The following UPF2 variants were observed in gnomAD, a reference collection of about 807,000 sequenced individuals.
UPF2 encodes the protein UPF2 regulator of nonsense mediated mRNA decay.
In UPF2, 17 loss-of-function variants were observed where a neutral mutation model predicts 141.4. The observed-to-expected ratio is 0.12, with a 90% CI of 0.08 to 0.18. UPF2 has a LOEUF of 0.18. Among genes scored for constraint, UPF2 ranks in the 10% least tolerant of loss-of-function variants. UPF2 has a pLI of 1.00. For missense variants in UPF2, 1,152 were observed against 1,515.9 expected, an observed-to-expected ratio of 0.76 and a Z score of 3.99; for synonymous variants, 540 against 498.0, an observed-to-expected ratio of 1.08 and a Z score of -1.12.
At chr10:11,930,939 C>G (rs1335832804) in intron 20 of UPF2, among the ~76,000 whole-genome samples, 5 of 152,168 alleles carry the variant, frequency 3.3e-5, no homozygotes, top group African/African-American at 4.8e-5. Context: ...GCTGTAAAAT[C>G]TGCATACCAC....
intron 6 of UPF2, among the ~76,000 whole-genome samples, chr10:12,000,647 ATAAAG>A (rs1833936437): frequency 6.6e-6 from 1 of 152,166 alleles, no homozygotes; most frequent in African/African-American, 2.4e-5. Context: ...ACAAAATAAA[ATAAAG>A]TAAAATAAGC....
intron 8 of UPF2, among the ~76,000 whole-genome samples, chr10:11,985,705 G>T (rs1588553627): frequency 6.6e-6 from 1 of 151,484 alleles, no homozygotes; most frequent in Non-Finnish European, 1.5e-5. Flanking sequence ...GCTCAAAAAT[G>T]GGATGGAGTG....
rs1834468486 is a variant in UPF2 at position 12,028,981 on chromosome 10, A to G, written c.909T>C (p.Thr303=). The change falls in exon 3 of 22, where the codon ACT becomes ACC. Residue 303 remains threonine, a synonymous_variant. Coordinates refer to ENST00000357604, the MANE Select transcript of UPF2 (RefSeq NM_015542.4). ...AGAAACTAATCACTACAGAGACATG[A>G]GTGTGGGACTCCCGATCAGCATTAA... ...NIINADRESH[T]HVSVVISFCR... 1 of 1,614,212 alleles carries G rather than the reference A, an allele frequency of 6.2e-7. No homozygotes were observed. Among genetic ancestry groups the G allele is most frequent in the East Asian group, 2.2e-5 (1 of 44,888 alleles).
chr10:12,023,565 C>T (rs899083415), intron 3 of UPF2, among the ~76,000 whole-genome samples: 12 of 150,922 alleles, frequency 8.0e-5, no homozygotes, highest in Non-Finnish European at 1.8e-4. Flanking sequence ...TGGTGCATGC[C>T]TGTAATCCCA....
chr10:11,990,597 G>T (rs189310115), intron 8 of UPF2, among the ~76,000 whole-genome samples: 11 of 150,976 alleles, frequency 7.3e-5, no homozygotes, highest in Admixed American at 2.0e-4. Context: ...GGAGAATAGC[G>T]TGAACCTGGG....
At position 11,955,518 on chromosome 10, in the gene UPF2, A is replaced by G. The variant is rs1343294316; in HGVS notation, c.2575-11T>C. 6.3e-7 allele frequency: 1 copy of G among 1,596,910 alleles called. No individual in the cohort carries two copies. The stretch of plus-strand genomic sequence containing the variant: ...TTTAGGTTGATTAACCTAAAAGGCA[A>G]CAAAACCACAGATTTTCATTAAAGA... On this transcript the variant is annotated splice_polypyrimidine_tract_variant and intron_variant, in intron 13 of 21. Transcript: ENST00000357604.
At chr10:11,994,316 G>A (rs762619834) in intron 8 of UPF2, among the ~76,000 whole-genome samples, 5 of 152,096 alleles carry the variant, frequency 3.3e-5, no homozygotes, top group Non-Finnish European at 5.9e-5. Flanking sequence ...TTAAAATAAC[G>A]AACAAAGGAA....
rs146737802 is a variant in UPF2 at position 11,998,539 on chromosome 10, T to C, written c.1759-782A>G. 3.7e-3 allele frequency among the ~76,000 whole-genome samples: 559 copies of C among 151,946 alleles called. 7 individuals are homozygous for C. The highest frequency in any genetic ancestry group is 0.017 in the Middle Eastern group (5 of 294). ...CAGCTGAGACTATAGGCATGTGTAG[T>C]TAAGGTTGAAACATAATAAAAATCG... On this transcript the variant is annotated intron_variant, in intron 7 of 21. Transcript: ENST00000357604. This position sits in a 1 kb window ranked among gnomAD's most constrained non-coding sequence, Gnocchi z 4.5.
intron 19 of UPF2, among the ~76,000 whole-genome samples, chr10:11,933,301 C>T (rs1050811378): frequency 9.2e-5 from 14 of 152,170 alleles, no homozygotes; most frequent in African/African-American, 3.4e-4. Context: ...AGAACAAAAT[C>T]TACTTTCTTT....
chr10:11,924,590 C>G (rs11591649), intron 21 of UPF2, among the ~76,000 whole-genome samples: 1 of 145,706 alleles, frequency 6.9e-6, no homozygotes, highest in Non-Finnish European at 1.5e-5. Context: ...AAAAAAAAAT[C>G]TTTTTTTTAA....
At chr10:11,933,949 A>T (rs1055256804) in intron 19 of UPF2, among the ~76,000 whole-genome samples, 1 of 152,240 alleles carries the variant, frequency 6.6e-6, no homozygotes, top group African/African-American at 2.4e-5. Context: ...GCAGGAATGG[A>T]GACCAAGGTA....
intron 8 of UPF2, among the ~76,000 whole-genome samples, chr10:11,981,426 G>C (rs1243353397): frequency 6.6e-6 from 1 of 152,184 alleles, no homozygotes; most frequent in African/African-American, 2.4e-5. Flanking sequence ...AACAGATGCT[G>C]AGAGAAGTCA....
chr10:12,004,534 G>C lies in UPF2; in HGVS notation c.1500C>G (p.Thr500=). The change falls in exon 5 of 22, where the codon ACC becomes ACG. Residue 500 remains threonine, a synonymous_variant. Coordinates refer to ENST00000357604, the MANE Select transcript of UPF2 (RefSeq NM_015542.4). ...CQNKESNKDD[T]KEAKESKENK... is the part of the protein sequence containing the mutation. ...TATTTTTTCTCTAGAATTTACCTTT[G>C]GTATCATCTTTGTTGGACTCTTTAT... is the stretch of plus-strand genomic sequence containing the variant. The C allele has an allele frequency of 6.2e-7, 1 of 1,606,510 alleles. No homozygotes were observed. The highest frequency in any genetic ancestry group is 8.5e-7 in the Non-Finnish European group (1 of 1,176,884).
In UPF2 at chr10:11,947,242, A is replaced by G. The variant is rs950958199; in HGVS notation, c.3174+1127T>C. 8.5e-5 allele frequency among the ~76,000 whole-genome samples: 13 copies of G among 152,340 alleles called. 1 individual carries two copies. The highest frequency in any genetic ancestry group is 5.2e-4 in the Admixed American group (8 of 15,302). On this transcript the variant is annotated intron_variant, in intron 16 of 21. Coordinates refer to ENST00000357604, the MANE Select transcript of UPF2 (RefSeq NM_015542.4). ...CCAAAGAATTAAAACTGCTAGTTTTAATCACACAGAAATGACATTTTGCTA... is the reference window on the plus strand; with the variant it reads ...CCAAAGAATTAAAACTGCTAGTTTTGATCACACAGAAATGACATTTTGCTA...
intron 4 of UPF2, among the ~76,000 whole-genome samples, chr10:12,012,121 G>A (rs1460912785): frequency 1.3e-5 from 2 of 148,964 alleles, no homozygotes; most frequent in Admixed American, 6.7e-5. Context: ...GGAGTGCAAT[G>A]GCGCGAGCCT....
chr10:12,020,275 G>T (rs573373078), intron 3 of UPF2, among the ~76,000 whole-genome samples: 1 of 148,402 alleles, frequency 6.7e-6, no homozygotes, highest in African/African-American at 2.5e-5. Flanking sequence ...TTTTTGAGAC[G>T]GAGTTTCGCT....
At chr10:12,017,997 C>T (rs72777731) in intron 3 of UPF2, among the ~76,000 whole-genome samples, 13,395 of 152,210 alleles carry the variant, frequency 0.088, 780 homozygotes, top group South Asian at 0.13. Flanking sequence ...TACAGTATGA[C>T]TTCTGTTATA....
chr10:11,975,070 T>A (rs983394251), intron 9 of UPF2, among the ~76,000 whole-genome samples: 4 of 152,242 alleles, frequency 2.6e-5, no homozygotes, highest in African/African-American at 9.6e-5. Context: ...TTTTAAAATG[T>A]CAATGACTGT....
chr10:11,962,799 T>C (rs1468368110), intron 11 of UPF2, among the ~76,000 whole-genome samples: 6 of 152,176 alleles, frequency 3.9e-5, no homozygotes, highest in Non-Finnish European at 8.8e-5. Context: ...CTCTCCAGTT[T>C]TACCTGCAGC....
Sources: allele counts gnomAD v4.1 joint callset (sites outside exome capture counted in the v4.1 genomes callset), GRCh38; gene constraint gnomAD v4.1.1; non-coding constraint Gnocchi (gnomAD v3.1); transcripts MANE v1.5; gene names NCBI Gene and HGNC (gene_info 2026-07-23, HGNC 2026-07-21).